NHSL2: variants seen among roughly 807,000 people sequenced by gnomAD.
The protein encoded by NHSL2 is NHS like 2.
Under a neutral mutation model 53.4 loss-of-function variants are expected in NHSL2, and 27 were observed. The observed-to-expected ratio is 0.51, with a 90% confidence interval of 0.37 to 0.70. The LOEUF is 0.70. Ranked by LOEUF, NHSL2 falls within the 30% of genes least tolerant of loss-of-function variation. The pLI, the probability that NHSL2 is intolerant of heterozygous loss-of-function variation, is 0.00. For synonymous variants in NHSL2, 408 were observed against 404.1 expected (o/e 1.01, Z -0.12); for missense variants, 892 against 980.1 (o/e 0.91, Z 1.20).
intron 1 of NHSL2, among the ~76,000 whole-genome samples, chrX:72,029,824 AG>A (rs1215898778): frequency 8.9e-6 from 1 of 112,336 alleles, no homozygotes; most frequent in Non-Finnish European, 1.9e-5. Flanking sequence ...CTTCCCATCT[AG>A]GGTGACTTCA....
intron 1 of NHSL2, among the ~76,000 whole-genome samples, chrX:72,083,011 T>C (rs2041805950): frequency 8.9e-6 from 1 of 112,523 alleles, no homozygotes; most frequent in African/African-American, 3.2e-5. Flanking sequence ...ACCACCTCTG[T>C]GGCCTTGGAC....
intron 1 of NHSL2, among the ~76,000 whole-genome samples, chrX:72,010,439 A>G (rs761884198): frequency 8.9e-6 from 1 of 112,412 alleles, no homozygotes; most frequent in South Asian, 3.7e-4. Flanking sequence ...TTGTTGTGAA[A>G]AAAAATCAAT....
intron 1 of NHSL2, among the ~76,000 whole-genome samples, chrX:71,946,993 G>A (rs899485380): frequency 3.6e-5 from 4 of 112,080 alleles, no homozygotes; most frequent in African/African-American, 1.3e-4. Flanking sequence ...TGGAGAGGTC[G>A]CCAAAGATTT....
intron 1 of NHSL2, among the ~76,000 whole-genome samples, chrX:72,016,116 T>C (rs1345587151): frequency 8.9e-6 from 1 of 112,335 alleles, no homozygotes; most frequent in Admixed American, 9.4e-5. Flanking sequence ...TTTCTATTCT[T>C]TTTTATATTT....
chrX:71,953,871 C>G (rs1483905814), intron 1 of NHSL2, among the ~76,000 whole-genome samples: 1 of 112,282 alleles, frequency 8.9e-6, no homozygotes, highest in East Asian at 2.8e-4. Flanking sequence ...GATTACTCTT[C>G]TTCAGAAGAA....
chrX:72,004,442 G>A (rs967008662), intron 1 of NHSL2, among the ~76,000 whole-genome samples: 3 of 111,792 alleles, frequency 2.7e-5, no homozygotes, highest in South Asian at 3.7e-4. Flanking sequence ...GTGGCTCAGC[G>A]GCTGCACATT....
At chrX:72,069,878 G>A (rs1044539746) in intron 1 of NHSL2, 2 of 301,660 alleles carry the variant, frequency 6.6e-6, no homozygotes, top group Admixed American at 1.2e-4. Flanking sequence ...GAGAGAACCC[G>A]AGGGAAATGA....
chrX:71,911,361 G>C lies in NHSL2; in HGVS notation c.274G>C (p.Glu92Gln). The change falls in exon 1 of 8, where the codon GAG becomes CAG. Residue 92 changes from glutamate to glutamine, a missense_variant. Transcript: ENST00000633930. ...RLLGPEEDEE[E>Q]LAAANSGREN... is the part of the protein sequence containing the mutation. Reference sequence around the variant, plus strand: ...GCTTGGCCCGGAGGAGGACGAGGAAGAGCTAGGTAAAAACGGCGCCCCGGT... The same window carrying C: ...GCTTGGCCCGGAGGAGGACGAGGAACAGCTAGGTAAAAACGGCGCCCCGGT... 6 of 1,080,122 alleles carry C rather than the reference G, an allele frequency of 5.6e-6. No individual in the cohort carries two copies. The highest frequency in any genetic ancestry group is 7.2e-6 in the Non-Finnish European group (6 of 832,978). The allele number at this position is 1,080,122 out of a possible 1,213,427, so 89.0% of individuals were successfully genotyped here. A position where few individuals can be genotyped will look rare whatever the true frequency, so the allele number is the denominator to read the frequency against.
At chrX:72,049,013 G>GA (rs1375488800) in intron 1 of NHSL2, among the ~76,000 whole-genome samples, 4,731 of 87,537 alleles carry the variant, frequency 0.054, 390 homozygotes, top group African/African-American at 0.18. Flanking sequence ...AGAAGAAGAA[G>GA]AGGAAGAGGA....
At chrX:72,124,679 G>A (rs981380948) in intron 1 of NHSL2, among the ~76,000 whole-genome samples, 2 of 111,452 alleles carry the variant, frequency 1.8e-5, no homozygotes, top group African/African-American at 6.6e-5. Flanking sequence ...ATGTCAAACT[G>A]CTGGGGTTCA....
At chrX:71,921,739 A>G (rs190606818) in intron 1 of NHSL2, among the ~76,000 whole-genome samples, 1 of 111,864 alleles carries the variant, frequency 8.9e-6, no homozygotes, top group Admixed American at 9.5e-5. Context: ...AGTATAGGCA[A>G]GAGGAAAGAA....
intron 1 of NHSL2, chrX:72,069,700 C>A: frequency 1.1e-6 from 1 of 937,981 alleles, no homozygotes; most frequent in South Asian, 5.9e-5. Flanking sequence ...ATGGGCAACT[C>A]TCACCACAAG....
intron 1 of NHSL2, among the ~76,000 whole-genome samples, chrX:72,049,135 C>G (rs1215483592): frequency 9.0e-6 from 1 of 111,166 alleles, no homozygotes; most frequent in East Asian, 2.8e-4. Context: ...TGTCTGTTGG[C>G]TTCTTGCCAG....
intron 1 of NHSL2, among the ~76,000 whole-genome samples, chrX:71,971,797 G>T (rs1378362928): frequency 9.0e-6 from 1 of 111,200 alleles, no homozygotes; most frequent in African/African-American, 3.3e-5. Context: ...GCATGCACCT[G>T]TAGTCCCAGC....
rs1325377579 is a variant in NHSL2 at position 72,152,351 on chromosome X, GCGCGCGCACACACACACA to G, written c.*8779_*8796del. ...ACACCATACATGCGTGTGTGCATGC[GCGCGCGCACACACACACA>G]CACACACACACACACACACACAGTC... On this transcript the variant is annotated 3_prime_UTR_variant, in exon 8 of 8. Transcript: ENST00000633930. The G allele has an allele frequency of 3.8e-5, 3 of 79,141 alleles. No individual in the cohort carries two copies. Among genetic ancestry groups the G allele is most frequent in the Admixed American group, 1.4e-4 (1 of 6,939 alleles). The allele number at this position is 79,141 out of a possible 1,213,427, so 6.5% of individuals were successfully genotyped here. A position where few individuals can be genotyped will look rare whatever the true frequency, so the allele number is the denominator to read the frequency against.
intron 1 of NHSL2, among the ~76,000 whole-genome samples, chrX:72,057,968 T>G (rs1282424308): frequency 1.8e-5 from 2 of 111,664 alleles, no homozygotes; most frequent in Non-Finnish European, 3.8e-5. Flanking sequence ...AAGCCTGGAG[T>G]TGATGTCTTT....
In NHSL2 at chrX:72,002,362, A is replaced by G. The variant is rs780834403; in HGVS notation, c.280+90995A>G. ...AGGAAAGAAACTTTATTTTGAATTT[A>G]TTTTGCTTCTTTTATGCTGCTGTGG... On this transcript the variant is annotated intron_variant, in intron 1 of 7. Transcript: ENST00000633930. Among the ~76,000 whole-genome samples the G allele has an allele frequency of 1.3e-4, 15 of 112,592 alleles. No individual in the cohort carries two copies. The South Asian group carries it at 5.5e-3, about 41-fold the overall frequency.
In NHSL2 at chrX:72,038,004, C is replaced by T. The variant is rs183527977; in HGVS notation, c.281-94075C>T. Among the ~76,000 whole-genome samples the T allele has an allele frequency of 1.5e-4, 17 of 112,177 alleles. No individual in the cohort carries two copies. In the East Asian group the frequency reaches 4.7e-3, roughly 31 times the overall value. ...CCTTTTTAACACAGAATCCAAAATACCAAAAGCTCAAAGAATCCCTATTTG... is the reference window on the plus strand; with the variant it reads ...CCTTTTTAACACAGAATCCAAAATATCAAAAGCTCAAAGAATCCCTATTTG... On this transcript the variant is annotated intron_variant, in intron 1 of 7. Coordinates refer to ENST00000633930, the MANE Select transcript of NHSL2 (RefSeq NM_001013627.3).
rs1026567998 is a variant in NHSL2 at position 72,146,134 on chromosome X, T to C, written c.*2560T>C. 2.7e-5 allele frequency: 3 copies of C among 112,628 alleles called. No homozygotes were observed. Among genetic ancestry groups the C allele is most frequent in the African/African-American group, 9.7e-5 (3 of 30,948 alleles). 9.3% of individuals were successfully genotyped at this position (112,628 alleles called of 1,213,427 possible). ...CCACGCTGGTCTTGAACTCCTGAGC[T>C]CAAGCGATCCTCTCGCCTTGGCCTC... On this transcript the variant is annotated 3_prime_UTR_variant, in exon 8 of 8. Transcript: ENST00000633930.
Sources: gnomAD v4.1 joint callset for allele counts (sites outside exome capture counted in the v4.1 genomes callset) on GRCh38, gnomAD v4.1.1 for gene constraint, MANE v1.5 for transcripts, NCBI Gene and HGNC (gene_info 2026-07-23, HGNC 2026-07-21) for gene names.